The following CDRT4 variants were observed in gnomAD, a reference collection of about 807,000 sequenced individuals.
CDRT4 encodes the protein CMT1A duplicated region transcript 4, also known as CMT1A duplicated region transcript 4 protein.
For synonymous variants in CDRT4, 64 were observed against 69.6 expected (o/e 0.92, Z 0.40); for missense variants, 167 against 193.1 (o/e 0.87, Z 0.80).
At chr17:15,465,682 AACAC>A (rs956955483) in intron 1 of CDRT4, among the ~76,000 whole-genome samples, 3 of 152,130 alleles carry the variant, frequency 2.0e-5, no homozygotes, top group Admixed American at 1.3e-4. Flanking sequence ...CAACACACAA[AACAC>A]ACAAACACAC....
chr17:15,448,119 G>A (rs1054235220), intron 2 of CDRT4, among the ~76,000 whole-genome samples: 2 of 152,158 alleles, frequency 1.3e-5, no homozygotes, highest in East Asian at 1.9e-4. Flanking sequence ...GAAACAGCCC[G>A]GCATTTCCCA....
At chr17:15,439,017 C>T (rs1043842388) in intron 3 of CDRT4, 10 of 409,928 alleles carry the variant, frequency 2.4e-5, no homozygotes, top group Non-Finnish European at 3.9e-5. Flanking sequence ...AGAAATTCAA[C>T]GCATTAGTTT....
chr17:15,441,793 C>A (rs1978775400), intron 2 of CDRT4, among the ~76,000 whole-genome samples: 1 of 152,208 alleles, frequency 6.6e-6, no homozygotes, highest in Non-Finnish European at 1.5e-5. Flanking sequence ...CTTACAGAGT[C>A]CCTGCTGTGG....
rs1476999187 is a variant in CDRT4 at position 15,442,759 on chromosome 17, T to TAAA, written c.-47-2477_-47-2475dup. Reference sequence around the variant, plus strand: ...TGCTGAAGCAGGAACTAGGAAACGATAAAAAGAACCAAGGGAGGGAGTGTT... The same window carrying TAAA: ...TGCTGAAGCAGGAACTAGGAAACGATAAAAAAAAGAACCAAGGGAGGGAGTGTT... On this transcript the variant is annotated intron_variant, in intron 2 of 3. Coordinates refer to ENST00000619038, the MANE Select transcript of CDRT4 (RefSeq NM_001204477.2). Among the ~76,000 whole-genome samples the TAAA allele has an allele frequency of 2.0e-5, 3 of 152,182 alleles. No homozygotes were observed. The East Asian group carries it at 5.8e-4, about 29-fold the overall frequency.
chr17:15,445,040 A>C (rs1048216723), intron 2 of CDRT4, among the ~76,000 whole-genome samples: 6 of 152,218 alleles, frequency 3.9e-5, no homozygotes, highest in African/African-American at 1.4e-4. Flanking sequence ...ACCATCTTGC[A>C]AAAGGATTTT....
intron 1 of CDRT4, among the ~76,000 whole-genome samples, chr17:15,466,270 C>A (rs1235871037): frequency 6.6e-6 from 1 of 152,190 alleles, no homozygotes; most frequent in African/African-American, 2.4e-5. Context: ...AAGTGTAAAG[C>A]AAGAGCTTCC....
intron 2 of CDRT4, among the ~76,000 whole-genome samples, chr17:15,451,664 C>T (rs1385730723): frequency 6.6e-6 from 1 of 152,202 alleles, no homozygotes; most frequent in Non-Finnish European, 1.5e-5. Context: ...TCCCCAGCTA[C>T]TGCCTCTGCC....
chr17:15,458,558 A>G (rs1354095897), intron 1 of CDRT4, among the ~76,000 whole-genome samples: 1 of 152,178 alleles, frequency 6.6e-6, no homozygotes, highest in African/African-American at 2.4e-5. Context: ...GTCATTGTGA[A>G]GAGGCCCAAG....
intron 1 of CDRT4, among the ~76,000 whole-genome samples, chr17:15,457,048 C>G (rs1473456358): frequency 6.6e-6 from 1 of 152,150 alleles, no homozygotes; most frequent in Non-Finnish European, 1.5e-5. Flanking sequence ...ACGAGCCCTT[C>G]CAGTCCAACA....
In CDRT4 at chr17:15,440,247, T is replaced by A; in HGVS notation, c.-9A>T. ...ATCCTTCTTGCATCCATCTTCTTTT[T>A]AATATTTACTGATTTCTTAACATCA... On this transcript the variant is annotated 5_prime_UTR_variant, in exon 3 of 4. Transcript: ENST00000619038. 6.2e-7 allele frequency: 1 copy of A among 1,613,550 alleles called. No homozygotes were observed. The highest frequency in any genetic ancestry group is 1.1e-5 in the South Asian group (1 of 91,076).
At chr17:15,460,226 A>C (rs1979686784) in intron 1 of CDRT4, among the ~76,000 whole-genome samples, 1 of 152,158 alleles carries the variant, frequency 6.6e-6, no homozygotes, top group Non-Finnish European at 1.5e-5. Flanking sequence ...GCCTTCTTCC[A>C]GTTTGTTAAC....
chr17:15,467,284 C>G (rs1186826793), intron 1 of CDRT4, among the ~76,000 whole-genome samples, 176 bp downstream of exon 1: 3 of 152,116 alleles, frequency 2.0e-5, no homozygotes, highest in African/African-American at 7.2e-5. Context: ...ATTGGGTGAC[C>G]AGGATTGGGA....
At chr17:15,448,457 G>T (rs1316125037) in intron 2 of CDRT4, among the ~76,000 whole-genome samples, 3 of 152,154 alleles carry the variant, frequency 2.0e-5, no homozygotes, top group Non-Finnish European at 4.4e-5. Context: ...TTTACTTCAG[G>T]CCTCACGTAA....
intron 3 of CDRT4, among the ~76,000 whole-genome samples, chr17:15,439,944 T>A (rs1041073683): frequency 4.6e-5 from 7 of 151,398 alleles, no homozygotes; most frequent in Non-Finnish European, 1.0e-4. Context: ...CTGTTTGTGG[T>A]GGGGAGAGGG....
Position 15,436,700 on chromosome 17 carries a change from G to C in CDRT4, c.*1073C>G, listed in dbSNP as rs1195119576. Reference sequence around the variant, plus strand: ...AAGAGCTCTCCATTTCTCAGCAGGGGACACCCTGGTCCCCACTGCCACTTT... The same window carrying C: ...AAGAGCTCTCCATTTCTCAGCAGGGCACACCCTGGTCCCCACTGCCACTTT... On this transcript the variant is annotated 3_prime_UTR_variant, in exon 4 of 4. Transcript: ENST00000619038. The C allele has an allele frequency of 1.3e-5, 2 of 152,210 alleles. No homozygotes were observed. The highest frequency in any genetic ancestry group is 2.9e-5 in the Non-Finnish European group (2 of 68,078). The allele number at this position is 152,210 out of a possible 1,614,324, so 9.4% of individuals were successfully genotyped here. A position where few individuals can be genotyped will look rare whatever the true frequency, so the allele number is the denominator to read the frequency against.
intron 1 of CDRT4, among the ~76,000 whole-genome samples, chr17:15,454,685 G>A (rs1039975289): frequency 2.4e-4 from 36 of 152,104 alleles, no homozygotes; most frequent in African/African-American, 8.7e-4. Flanking sequence ...ATTCCTACTG[G>A]AAGTAATCTG....
At chr17:15,441,647 C>T (rs1978767592) in intron 2 of CDRT4, among the ~76,000 whole-genome samples, 1 of 152,052 alleles carries the variant, frequency 6.6e-6, no homozygotes, top group Non-Finnish European at 1.5e-5. Flanking sequence ...ACTTTAAATT[C>T]CACTATTTTT....
chr17:15,444,228 G>A (rs973580117), intron 2 of CDRT4: 19 of 751,100 alleles, frequency 2.5e-5, no homozygotes, highest in East Asian at 5.2e-5. Context: ...ACAAGATGCC[G>A]GATGATTCCT....
chr17:15,438,235 C>T (rs777226519), intron 3 of CDRT4, 35 bp from the exon 4 acceptor site: 9 of 1,589,992 alleles, frequency 5.7e-6, no homozygotes. Context: ...CATTTAGAGG[C>T]AGTCACATGC....
Sources: allele counts gnomAD v4.1 joint callset (sites outside exome capture counted in the v4.1 genomes callset), GRCh38; gene constraint gnomAD v4.1.1; transcripts MANE v1.5; gene names NCBI Gene and HGNC (gene_info 2026-07-23, HGNC 2026-07-21).